The following TENM4 variants were observed in gnomAD, a reference collection of about 807,000 sequenced individuals.
TENM4 encodes the protein teneurin transmembrane protein 4, also known as teneurin-4.
TENM4 carries 82 observed loss-of-function variants against 243.3 expected under a neutral mutation model. That is an observed-to-expected ratio of 0.34 (90% CI 0.28 to 0.40). The LOEUF (loss-of-function observed/expected upper bound fraction) is 0.40. TENM4 is among the 10% of genes least tolerant of loss of function. TENM4 has a pLI of 1.00. For synonymous variants in TENM4, 1,412 were observed against 1,456.3 expected (o/e 0.97, Z 0.69); for missense variants, 3,138 against 3,673.3 (o/e 0.85, Z 3.77).
intron 16 of TENM4, 84 bp from the exon 17 acceptor site, chr11:78,778,712 C>A: frequency 7.7e-7 from 1 of 1,301,782 alleles, no homozygotes; most frequent in Non-Finnish European, 1.1e-6. Flanking sequence ...AGATGCTACA[C>A]AGACAAAGGG....
intron 2 of TENM4, among the ~76,000 whole-genome samples, chr11:79,293,466 T>A (rs1016197517): frequency 1.9e-4 from 29 of 150,400 alleles, no homozygotes; most frequent in African/African-American, 6.9e-4. Flanking sequence ...GTGATCACAT[T>A]ATTGTGCTCC....
chr11:78,977,859 T>A (rs1158584367), intron 6 of TENM4, among the ~76,000 whole-genome samples: 3 of 152,208 alleles, frequency 2.0e-5, no homozygotes, highest in African/African-American at 4.8e-5. Context: ...ACTGGATATA[T>A]ACCCAAAGGA....
At chr11:78,858,379 G>A (rs80095378) in intron 10 of TENM4, among the ~76,000 whole-genome samples, 1 of 151,992 alleles carries the variant, frequency 6.6e-6, no homozygotes, top group African/African-American at 2.4e-5. Flanking sequence ...AAAAAAAAAA[G>A]TGAACTCTGC....
intron 27 of TENM4, among the ~76,000 whole-genome samples, chr11:78,703,326 A>C (rs954801060): frequency 1.3e-5 from 2 of 152,166 alleles, no homozygotes; most frequent in African/African-American, 4.8e-5. Flanking sequence ...ATCTGCACTT[A>C]AGCAAAATCC....
At chr11:78,757,789 G>C (rs1856343896) in intron 18 of TENM4, among the ~76,000 whole-genome samples, 1 of 152,142 alleles carries the variant, frequency 6.6e-6, no homozygotes, top group Non-Finnish European at 1.5e-5. Context: ...CGGTCCTCTG[G>C]AGGCCTGCTC....
intron 3 of TENM4, among the ~76,000 whole-genome samples, chr11:79,190,134 G>C (rs1346600234): frequency 6.6e-6 from 1 of 152,126 alleles, no homozygotes; most frequent in African/African-American, 2.4e-5. Flanking sequence ...CCCATTACAG[G>C]GTACTCCCCT....
chr11:78,722,600 G>A, intron 24 of TENM4, 68 bp downstream of exon 24: 1 of 1,557,520 alleles, frequency 6.4e-7, no homozygotes, highest in Non-Finnish European at 8.7e-7. Flanking sequence ...AGCAGGTAAT[G>A]TGGCGGGGCC....
intron 7 of TENM4, among the ~76,000 whole-genome samples, chr11:78,894,368 C>CA (rs1855739897): frequency 6.6e-6 from 1 of 151,790 alleles, no homozygotes; most frequent in African/African-American, 2.4e-5. Context: ...CAGAAATAAA[C>CA]AAAAAAATAC....
At chr11:79,137,579 C>A (rs1430996043) in intron 4 of TENM4, among the ~76,000 whole-genome samples, 1 of 152,154 alleles carries the variant, frequency 6.6e-6, no homozygotes, top group Non-Finnish European at 1.5e-5. Context: ...CAGTTACAAC[C>A]GCGTGACCAG....
chr11:78,952,326 C>T (rs998435171), intron 6 of TENM4, among the ~76,000 whole-genome samples: 9 of 152,194 alleles, frequency 5.9e-5, no homozygotes, highest in Non-Finnish European at 1.3e-4. Context: ...GTAATAAACT[C>T]GAGGAAGGAT....
chr11:79,016,968 G>T (rs1316240307), intron 6 of TENM4, among the ~76,000 whole-genome samples: 1 of 152,150 alleles, frequency 6.6e-6, no homozygotes, highest in African/African-American at 2.4e-5. Flanking sequence ...TGTAAAGGAG[G>T]GACTATAAGA....
intron 4 of TENM4, among the ~76,000 whole-genome samples, chr11:79,087,661 G>A (rs936441746): frequency 3.9e-5 from 6 of 152,206 alleles, no homozygotes; most frequent in Admixed American, 2.0e-4. Context: ...TCTGAGCTCT[G>A]CATTCTCCTG....
intron 4 of TENM4, among the ~76,000 whole-genome samples, chr11:79,099,161 T>A (rs1032281081): frequency 1.4e-4 from 21 of 152,268 alleles, no homozygotes; most frequent in African/African-American, 5.1e-4. Flanking sequence ...CGTTCCTTAG[T>A]CATTCCTGGG....
chr11:79,253,034 C>T (rs529147130), intron 2 of TENM4, among the ~76,000 whole-genome samples: 3 of 152,312 alleles, frequency 2.0e-5, no homozygotes, highest in South Asian at 2.1e-4. Context: ...CTCCATTTTA[C>T]GGTGAAGAAA....
chr11:79,390,193 G>A (rs1858202783), intron 1 of TENM4, among the ~76,000 whole-genome samples: 1 of 152,208 alleles, frequency 6.6e-6, no homozygotes, highest in African/African-American at 2.4e-5. Flanking sequence ...CAGCCAATGG[G>A]CATAGGAGGT....
intron 7 of TENM4, among the ~76,000 whole-genome samples, 177 bp downstream of exon 7, chr11:78,903,091 C>G (rs1315906296): frequency 6.6e-6 from 1 of 152,172 alleles, no homozygotes; most frequent in East Asian, 1.9e-4. Context: ...TTGGGTCTCT[C>G]GGGTTCCAAA....
At chr11:78,925,753 A>G (rs905939028) in intron 6 of TENM4, among the ~76,000 whole-genome samples, 9 of 152,160 alleles carry the variant, frequency 5.9e-5, no homozygotes, top group Non-Finnish European at 1.3e-4. Context: ...AGGTCCATTA[A>G]GATCTAGTCC....
chr11:78,661,567 A>C lies in TENM4; in HGVS notation c.7433T>G (p.Phe2478Cys). The change falls in exon 33 of 34, where the codon TTT (phenylalanine) becomes TGT (cysteine). Residue 2478 changes from phenylalanine (F) to cysteine (C), a missense_variant. This residue lies in a region of TENM4 where 2,467 missense variants were observed against 3,059.1 expected (regional missense o/e 0.81). Transcript: ENST00000278550. ...GATCACGTTGTGTAGCTGGAATCCA[A>C]AGGTGAGCAGCCAGCTGTTAACATC... is the stretch of plus-strand genomic sequence containing the variant. ...MTDVNSWLLT[F>C]GFQLHNVIPG... The C allele has an allele frequency of 6.2e-7, 1 of 1,613,464 alleles. No homozygotes were observed. Among genetic ancestry groups the C allele is most frequent in the Non-Finnish European group, 8.5e-7 (1 of 1,179,742 alleles).
intron 6 of TENM4, among the ~76,000 whole-genome samples, chr11:78,947,440 G>A (rs373923743): frequency 7.9e-5 from 12 of 152,066 alleles, no homozygotes; most frequent in Admixed American, 6.5e-5. Context: ...TGGGGACAGG[G>A]TGTGTGGGGA....
Sources: gnomAD v4.1 joint callset for allele counts (sites outside exome capture counted in the v4.1 genomes callset) on GRCh38, gnomAD v4.1.1 for gene constraint, gnomAD v4.1.1 regional missense constraint, MANE v1.5 for transcripts, NCBI Gene and HGNC (gene_info 2026-07-23, HGNC 2026-07-21) for gene names.